Variants in HSPA12B observed in about 807,000 individuals in gnomAD.
HSPA12B encodes heat shock 70 kDa protein 12B.
HSPA12B carries 54 observed loss-of-function variants against 69.3 expected under a neutral mutation model. That is an observed-to-expected ratio of 0.78 (90% CI 0.63 to 0.98). The LOEUF is 0.98. HSPA12B is among the 50% of genes least tolerant of loss of function. The pLI is 0.00. For missense variants in HSPA12B, 929 were observed against 999.8 expected (o/e 0.93, Z 0.96); for synonymous variants, 441 against 436.5 (o/e 1.01, Z -0.13).
chr20:3,748,288 C>T lies in HSPA12B; in HGVS notation c.747C>T (p.Tyr249=), dbSNP rs2146584199. The T allele has an allele frequency of 1.2e-6, 2 of 1,611,326 alleles. No individual in the cohort carries two copies. The highest frequency in any genetic ancestry group is 1.7e-6 in the Non-Finnish European group (2 of 1,178,860). ...IALEPEAASV[Y]CRKLRLHQLL... is the part of the protein sequence containing the mutation. ...TGGAGCCCGAGGCCGCCTCGGTATACTGCCGCAAGCTGCGCCTGCACCAGC... is the reference window on the plus strand; with the variant it reads ...TGGAGCCCGAGGCCGCCTCGGTATATTGCCGCAAGCTGCGCCTGCACCAGC... The change falls in exon 8 of 13, where the codon TAC becomes TAT. Residue 249 remains tyrosine (Y), a synonymous_variant. Transcript: ENST00000254963.
intron 2 of HSPA12B, among the ~76,000 whole-genome samples, chr20:3,738,958 A>G (rs1487142343): frequency 2.0e-5 from 3 of 151,902 alleles, no homozygotes; most frequent in African/African-American, 7.3e-5. Context: ...TGCACACAGG[A>G]CTGGTCTATT....
rs759850650 is a variant in HSPA12B at position 3,745,885 on chromosome 20, C to G, written c.559-30C>G. ...GAAGACCACCCTCCCTCCAAGCCAGCTTTCCTCTCACTGCCCCCTCCTGTA... is the reference window on the plus strand; with the variant it reads ...GAAGACCACCCTCCCTCCAAGCCAGGTTTCCTCTCACTGCCCCCTCCTGTA... On this transcript the variant is annotated intron_variant, in intron 6 of 12. Coordinates refer to ENST00000254963, the MANE Select transcript of HSPA12B (RefSeq NM_052970.5). The surrounding 1 kb of genome is among the most constrained non-coding windows in gnomAD (Gnocchi z 5.6). The G allele has an allele frequency of 6.3e-7, 1 of 1,594,096 alleles. No homozygotes were observed. Among genetic ancestry groups the G allele is most frequent in the Non-Finnish European group, 8.6e-7 (1 of 1,161,634 alleles).
chr20:3,742,154 A>G (rs2088213264), intron 3 of HSPA12B, 130 bp from the exon 4 acceptor site: 2 of 1,347,538 alleles, frequency 1.5e-6, no homozygotes, highest in Non-Finnish European at 1.0e-6. Context: ...GGGGTGGGCC[A>G]GGTCCAGGGC....
chr20:3,737,400 A>G lies in HSPA12B; in HGVS notation c.-17-1258A>G, dbSNP rs2088125471. On this transcript the variant is annotated intron_variant, in intron 1 of 12. Transcript: ENST00000254963. The surrounding 1 kb of genome is among the most constrained non-coding windows in gnomAD (Gnocchi z 4.1). The stretch of plus-strand genomic sequence containing the variant: ...TTCAGCCAAGCTTTTCAGAAATTCT[A>G]GCTCAATATGATTGCGTCACTACAC... Among the ~76,000 whole-genome samples the G allele has an allele frequency of 1.3e-5, 2 of 152,160 alleles. No homozygotes were observed. Among genetic ancestry groups the G allele is most frequent in the South Asian group, 2.1e-4 (1 of 4,814 alleles).
At position 3,746,007 on chromosome 20, in the gene HSPA12B, G is replaced by A. The variant is rs1340747913; in HGVS notation, c.651G>A (p.Gln217=). Residue 217 remains glutamine (Q), a synonymous_variant, in exon 7 of 13, where the codon CAG becomes CAA. Transcript: ENST00000254963. The stretch of plus-strand genomic sequence containing the variant: ...CCATCTGGAAACAGCCAGCCAAGCA[G>A]TTCATGCGGGAGGCTGCCTACCTGG... ...VPAIWKQPAK[Q]FMREAAYLAG... The A allele has an allele frequency of 3.7e-6, 6 of 1,613,936 alleles. No individual in the cohort carries two copies. In the South Asian group the frequency reaches 6.6e-5, roughly 18 times the overall value.
chr20:3,749,388 G>GGGACGGAGTGTTATCCTTGGCCCCTA lies in HSPA12B; in HGVS notation c.937+70_937+71insGGACGGAGTGTTATCCTTGGCCCCTA. On this transcript the variant is annotated intron_variant, in intron 9 of 12. Coordinates refer to ENST00000254963, the MANE Select transcript of HSPA12B (RefSeq NM_052970.5). This position sits in a 1 kb window ranked among gnomAD's most constrained non-coding sequence, Gnocchi z 5.5. Reference sequence around the variant, plus strand: ...GCACCATATACTGATGGGGGGAAGGGCATGTTTGCAAAGCCCGTCTCTTCC... The same window carrying GGGACGGAGTGTTATCCTTGGCCCCTA: ...GCACCATATACTGATGGGGGGAAGGGGGACGGAGTGTTATCCTTGGCCCCTACATGTTTGCAAAGCCCGTCTCTTCC... The GGGACGGAGTGTTATCCTTGGCCCCTA allele has an allele frequency of 7.3e-7, 1 of 1,376,634 alleles. No individual in the cohort carries two copies. Among genetic ancestry groups the GGGACGGAGTGTTATCCTTGGCCCCTA allele is most frequent in the Admixed American group, 1.9e-5 (1 of 52,716 alleles). The allele number at this position is 1,376,634 out of a possible 1,614,324, so 85.3% of individuals were successfully genotyped here. A position where few individuals can be genotyped will look rare whatever the true frequency, so the allele number is the denominator to read the frequency against.
At chr20:3,733,487 G>C (rs1229139537) in intron 1 of HSPA12B, among the ~76,000 whole-genome samples, 1 of 152,140 alleles carries the variant, frequency 6.6e-6, no homozygotes, top group Non-Finnish European at 1.5e-5. Context: ...TGTTGTTTGT[G>C]AACTGGCTGC....
At position 3,749,770 on chromosome 20, in the gene HSPA12B, G is replaced by A; in HGVS notation, c.958G>A (p.Asp320Asn). The A allele has an allele frequency of 6.2e-7, 1 of 1,601,588 alleles. No homozygotes were observed. Among genetic ancestry groups the A allele is most frequent in the Non-Finnish European group, 8.5e-7 (1 of 1,176,720 alleles). The change falls in exon 10 of 13, where the codon GAC becomes AAC. Residue 320 changes from aspartate (D) to asparagine (N), a missense_variant. This residue lies in a region of HSPA12B where 477 missense variants were observed against 535.2 expected (regional missense o/e 0.89). Coordinates refer to ENST00000254963, the MANE Select transcript of HSPA12B (RefSeq NM_052970.5). The surrounding 1 kb of genome is among the most constrained non-coding windows in gnomAD (Gnocchi z 5.5). Reference sequence around the variant, plus strand: ...CGCAGGAGACCGCTACGTGGTGGCCGACTGCGGCGGAGGCACCGTGGACCT... The same window carrying A: ...CGCAGGAGACCGCTACGTGGTGGCCAACTGCGGCGGAGGCACCGTGGACCT... ...MQAGDRYVVA[D>N]CGGGTVDLTV...
chr20:3,751,191 T>C, intron 12 of HSPA12B: 3 of 930,846 alleles, frequency 3.2e-6, no homozygotes, highest in Non-Finnish European at 3.8e-6. Context: ...TAAAATGAGC[T>C]GAAGTACCTA....
rs771775342 is a variant in HSPA12B at position 3,745,140 on chromosome 20, G to T, written c.453+52G>T. Reference sequence around the variant, plus strand: ...GGCGGGGCCAGCATGGAAAAGGGCAGGGCTAATGGGGGTGGGTGGGACAAA... The same window carrying T: ...GGCGGGGCCAGCATGGAAAAGGGCATGGCTAATGGGGGTGGGTGGGACAAA... On this transcript the variant is annotated intron_variant, in intron 5 of 12. Transcript: ENST00000254963. This position sits in a 1 kb window ranked among gnomAD's most constrained non-coding sequence, Gnocchi z 5.6. 1 of 1,458,056 alleles carries T rather than the reference G, an allele frequency of 6.9e-7. No individual in the cohort carries two copies. The highest frequency in any genetic ancestry group is 1.4e-5 in the African/African-American group (1 of 71,730). 90.3% of individuals were successfully genotyped at this position (1,458,056 alleles called of 1,614,324 possible). A position where few individuals can be genotyped will look rare whatever the true frequency, so the allele number is the denominator to read the frequency against.
At position 3,740,837 on chromosome 20, in the gene HSPA12B, A is replaced by G. The variant is rs1360674135; in HGVS notation, c.66A>G (p.Pro22=). 1 of 1,613,714 alleles carries G rather than the reference A, an allele frequency of 6.2e-7. No individual in the cohort carries two copies. The highest frequency in any genetic ancestry group is 2.2e-5 in the East Asian group (1 of 44,892). ...CAGGCTCCAGCCCGGAGCGGTCCCC[A>G]GTGCCTAGCCCACCCGGCTCCCCGA... ...LYIGSSPERS[P]VPSPPGSPRT... The change falls in exon 3 of 13, where the codon CCA becomes CCG. Residue 22 remains proline (P), a synonymous_variant. Transcript: ENST00000254963. This position sits in a 1 kb window ranked among gnomAD's most constrained non-coding sequence, Gnocchi z 4.9.
rs1389814496 is a variant in HSPA12B at position 3,750,244 on chromosome 20, C to T, written c.1301+17C>T. On this transcript the variant is annotated intron_variant, in intron 11 of 12. Transcript: ENST00000254963. ...CAGGAGCAGGTGGGTCCTGAGCCCGCGGGCTCAGGCAGGGTTTGCCGACCC... is the reference window on the plus strand; with the variant it reads ...CAGGAGCAGGTGGGTCCTGAGCCCGTGGGCTCAGGCAGGGTTTGCCGACCC... The T allele has an allele frequency of 1.9e-6, 3 of 1,570,506 alleles. No individual in the cohort carries two copies. Among genetic ancestry groups the T allele is most frequent in the Non-Finnish European group, 2.6e-6 (3 of 1,153,810 alleles).
chr20:3,749,181 A>G lies in HSPA12B; in HGVS notation c.851-51A>G. 4 of 1,533,518 alleles carry G rather than the reference A, an allele frequency of 2.6e-6. No individual in the cohort carries two copies. Among genetic ancestry groups the G allele is most frequent in the Non-Finnish European group, 3.6e-6 (4 of 1,117,198 alleles). The allele number at this position is 1,533,518 out of a possible 1,614,324, so 95.0% of individuals were successfully genotyped here. Reference sequence around the variant, plus strand: ...CAGGAGGATGGGAGTTGAACGCCATAGCTGGAGCACCTCCTTCTAATCTCA... The same window carrying G: ...CAGGAGGATGGGAGTTGAACGCCATGGCTGGAGCACCTCCTTCTAATCTCA... On this transcript the variant is annotated intron_variant, in intron 8 of 12. Coordinates refer to ENST00000254963, the MANE Select transcript of HSPA12B (RefSeq NM_052970.5). The surrounding 1 kb of genome is among the most constrained non-coding windows in gnomAD (Gnocchi z 5.5).
intron 12 of HSPA12B, chr20:3,751,275 C>T (rs2088415110): frequency 2.0e-6 from 2 of 985,498 alleles, no homozygotes; most frequent in Non-Finnish European, 2.4e-6. Context: ...ATCTCTCGTC[C>T]TCCACGTCGT....
intron 1 of HSPA12B, among the ~76,000 whole-genome samples, chr20:3,733,232 A>G (rs2088057545): frequency 6.6e-6 from 1 of 151,974 alleles, no homozygotes; most frequent in South Asian, 2.1e-4. Context: ...CAGAGTACTG[A>G]GTGGCCCAGG....
At chr20:3,751,478 C>G (rs1011199746) in intron 12 of HSPA12B, 33 bp from the exon 13 acceptor site, 1 of 1,381,908 alleles carries the variant, frequency 7.2e-7, no homozygotes, top group East Asian at 2.9e-5. Context: ...TCCTCTGCCC[C>G]CTTCACCCGC....
Position 3,740,833 on chromosome 20 carries a change from C to G in HSPA12B, c.62C>G (p.Ser21Cys). 6.2e-7 allele frequency: 1 copy of G among 1,613,626 alleles called. No homozygotes were observed. The highest frequency in any genetic ancestry group is 8.5e-7 in the Non-Finnish European group (1 of 1,179,844). The change falls in exon 3 of 13, where the codon TCC (serine) becomes TGC (cysteine). Residue 21 changes from serine to cysteine, a missense_variant. Coordinates refer to ENST00000254963, the MANE Select transcript of HSPA12B (RefSeq NM_052970.5). This position sits in a 1 kb window ranked among gnomAD's most constrained non-coding sequence, Gnocchi z 4.9. ...GLYIGSSPER[S>C]PVPSPPGSPR... ...TCTGCAGGCTCCAGCCCGGAGCGGT[C>G]CCCAGTGCCTAGCCCACCCGGCTCC...
At chr20:3,734,737 ATTTT>A (rs35209985) in intron 1 of HSPA12B, among the ~76,000 whole-genome samples, 1 of 120,306 alleles carries the variant, frequency 8.3e-6, no homozygotes, top group Non-Finnish European at 1.7e-5. Context: ...CTTTAACACA[ATTTT>A]TTTTTTTTTT....
rs865976206 is a variant in HSPA12B, at chr20:3,751,501, T to C, written c.1406-10T>C. On this transcript the variant is annotated splice_polypyrimidine_tract_variant and intron_variant, in intron 12 of 12. Coordinates refer to ENST00000254963, the MANE Select transcript of HSPA12B (RefSeq NM_052970.5). ...CCCCTTCACCCGCGTCCCCCCGTCC[T>C]GTCCCGCAGAGGCCCTGCTGGCACG... The C allele has an allele frequency of 2.0e-5, 28 of 1,406,848 alleles. No individual in the cohort carries two copies. The Middle Eastern group carries it at 4.9e-3, about 245-fold the overall frequency. The allele number at this position is 1,406,848 out of a possible 1,614,324, so 87.1% of individuals were successfully genotyped here. A position where few individuals can be genotyped will look rare whatever the true frequency, so the allele number is the denominator to read the frequency against.
Sources: allele counts gnomAD v4.1 joint callset (sites outside exome capture counted in the v4.1 genomes callset), GRCh38; gene constraint gnomAD v4.1.1; regional missense constraint gnomAD v4.1.1; non-coding constraint Gnocchi (gnomAD v3.1); transcripts MANE v1.5; gene names NCBI Gene and HGNC (gene_info 2026-07-23, HGNC 2026-07-21).